Variants in CCDC30 observed in about 807,000 individuals in gnomAD.
CCDC30 encodes coiled-coil domain-containing protein 30.
Under a neutral mutation model 100.2 loss-of-function variants are expected in CCDC30, and 70 were observed. The ratio of observed to expected loss-of-function variants is 0.70; its 90% CI spans 0.58 to 0.85. The LOEUF (loss-of-function observed/expected upper bound fraction) is 0.85. Among genes scored for constraint, CCDC30 ranks in the 40% least tolerant of loss-of-function variants. The pLI is 0.00. For missense variants in CCDC30, 652 were observed against 771.2 expected (o/e 0.85, Z 1.83); for synonymous variants, 233 against 269.5 (o/e 0.86, Z 1.33).
chr1:42,634,448 AAATGTGAAC>A (rs1647109713), intron 11 of CCDC30, among the ~76,000 whole-genome samples: 1 of 152,058 alleles, frequency 6.6e-6, no homozygotes, highest in African/African-American at 2.4e-5. Flanking sequence ...ATCAGGCCTA[AAATGTGAAC>A]AATGCAGAGG....
Position 42,615,785 on chromosome 1 carries a change from T to C in CCDC30, c.1277+4695T>C, listed in dbSNP as rs541407539. On this transcript the variant is annotated intron_variant, in intron 11 of 16. Transcript: ENST00000668663. ...TTGCTGTCCAGAACCCAGCATGTAC[T>C]TCCTGTCAACCTTGTTGGGGCAGCT... Among the ~76,000 whole-genome samples the C allele has an allele frequency of 3.2e-4, 49 of 152,338 alleles. No homozygotes were observed. The South Asian group carries it at 5.2e-3, about 16-fold the overall frequency.
At chr1:42,609,987 G>A (rs12743966) in intron 10 of CCDC30, among the ~76,000 whole-genome samples, 1 of 152,204 alleles carries the variant, frequency 6.6e-6, no homozygotes, top group African/African-American at 2.4e-5. Flanking sequence ...GACTACAAGA[G>A]AGAAATTATT....
intron 6 of CCDC30, among the ~76,000 whole-genome samples, chr1:42,522,281 C>A (rs1196707862): frequency 6.6e-6 from 1 of 151,890 alleles, no homozygotes; most frequent in Non-Finnish European, 1.5e-5. Context: ...TGTAGTTGGA[C>A]TTTTTTAATC....
intron 6 of CCDC30, among the ~76,000 whole-genome samples, chr1:42,549,495 G>A (rs1292677311): frequency 1.3e-5 from 2 of 152,068 alleles, no homozygotes; most frequent in African/African-American, 4.8e-5. Context: ...GAAGGTCTTG[G>A]GACACTTGGG....
chr1:42,550,015 T>C, intron 6 of CCDC30, among the ~76,000 whole-genome samples: 1 of 152,240 alleles, frequency 6.6e-6, no homozygotes, highest in East Asian at 1.9e-4. Flanking sequence ...TTCTGTCTCC[T>C]TCACAGACTA....
rs759909703 is a variant in CCDC30, at chr1:42,644,778, A to T, written c.1642A>T (p.Ile548Leu). The stretch of plus-strand genomic sequence containing the variant: ...GCAGATTGGCTTCTTAGAGCGAATT[A>T]TAAGGAGCATCCATATTCGCAGAGG... Residue 548 changes from isoleucine to leucine, a missense_variant, in exon 14 of 17, where the codon ATA becomes TTA. Coordinates refer to ENST00000668663, the Ensembl canonical transcript of CCDC30. The T allele has an allele frequency of 2.9e-5, 46 of 1,611,994 alleles. No individual in the cohort carries two copies. The highest frequency in any genetic ancestry group is 3.9e-5 in the Non-Finnish European group (46 of 1,178,034).
exon 15 of CCDC30, chr1:42,646,284 G>A: frequency 6.5e-7 from 1 of 1,546,026 alleles, no homozygotes; most frequent in Non-Finnish European, 8.7e-7. Flanking sequence ...CAGTTCCTGA[G>A]GCCACAGAGA....
intron 6 of CCDC30, among the ~76,000 whole-genome samples, chr1:42,504,853 T>C (rs1216754999): frequency 6.6e-6 from 1 of 152,236 alleles, no homozygotes; most frequent in Non-Finnish European, 1.5e-5. Flanking sequence ...CTTTCTTATA[T>C]AAAATCTATT....
intron 11 of CCDC30, among the ~76,000 whole-genome samples, chr1:42,631,601 C>T (rs1472542595): frequency 6.6e-6 from 1 of 152,196 alleles, no homozygotes; most frequent in East Asian, 1.9e-4. Context: ...TCCAGTGGTG[C>T]CATCTGGGAG....
At chr1:42,637,253 C>T (rs1172923662) in exon 12 of CCDC30, 4 of 1,582,374 alleles carry the variant, frequency 2.5e-6, no homozygotes, top group African/African-American at 1.4e-5. Context: ...TAATGAGAAA[C>T]ATCACCAACA....
chr1:42,578,169 T>C (rs1327372360), intron 8 of CCDC30, among the ~76,000 whole-genome samples: 1 of 152,158 alleles, frequency 6.6e-6, no homozygotes, highest in Non-Finnish European at 1.5e-5. Context: ...AAAAAAAATT[T>C]CATCAAACCA....
intron 11 of CCDC30, among the ~76,000 whole-genome samples, chr1:42,619,065 A>G (rs1327720882): frequency 2.6e-5 from 4 of 152,200 alleles, no homozygotes; most frequent in Non-Finnish European, 4.4e-5. Flanking sequence ...GCAAAAAAAA[A>G]TCGGGGTATA....
intron 3 of CCDC30, among the ~76,000 whole-genome samples, chr1:42,484,977 T>TA (rs1227967579): frequency 2.6e-5 from 4 of 152,158 alleles, no homozygotes; most frequent in Admixed American, 1.3e-4. Context: ...TTAACATTAA[T>TA]AAAACAATTT....
intron 11 of CCDC30, among the ~76,000 whole-genome samples, chr1:42,623,962 A>G (rs906987530): frequency 6.6e-6 from 1 of 152,134 alleles, no homozygotes; most frequent in African/African-American, 2.4e-5. Flanking sequence ...TGGTTAAGCT[A>G]ATTCCTAGGT....
intron 6 of CCDC30, among the ~76,000 whole-genome samples, chr1:42,512,942 G>A (rs1644502137): frequency 6.6e-6 from 1 of 152,166 alleles, no homozygotes; most frequent in Non-Finnish European, 1.5e-5. Context: ...TGGTTGATGG[G>A]AGCCCAGTAT....
upstream of CCDC30, among the ~76,000 whole-genome samples, chr1:42,461,441 T>TA (rs1315164162): frequency 6.6e-6 from 1 of 152,120 alleles, no homozygotes; most frequent in Admixed American, 6.5e-5. Context: ...ACTCAAGCAC[T>TA]CCTACTGCCA....
intron 11 of CCDC30, among the ~76,000 whole-genome samples, chr1:42,622,323 T>A (rs1469790257): frequency 6.6e-6 from 1 of 152,220 alleles, no homozygotes; most frequent in Non-Finnish European, 1.5e-5. Context: ...CATATTTTCT[T>A]TATCCAATCA....
intron 1 of CCDC30, among the ~76,000 whole-genome samples, chr1:42,477,891 T>C (rs374082168): frequency 2.0e-5 from 3 of 152,260 alleles, no homozygotes; most frequent in Admixed American, 6.5e-5. Flanking sequence ...CTAGCTAGAT[T>C]AAGAAGCTGG....
At chr1:42,617,804 C>T (rs560175675) in intron 11 of CCDC30, among the ~76,000 whole-genome samples, 2 of 152,198 alleles carry the variant, frequency 1.3e-5, no homozygotes, top group Non-Finnish European at 2.9e-5. Flanking sequence ...CTCAGGTTTA[C>T]AACAGTGACT....
Sources: allele counts gnomAD v4.1 joint callset (sites outside exome capture counted in the v4.1 genomes callset), GRCh38; gene constraint gnomAD v4.1.1; transcripts MANE v1.5; gene names NCBI Gene and HGNC (gene_info 2026-07-23, HGNC 2026-07-21).